The following UTRN variants were observed in gnomAD, a reference collection of about 807,000 sequenced individuals.
UTRN encodes the protein dystrophin-related protein 1.
In UTRN, 283 loss-of-function variants were observed where a neutral mutation model predicts 463.9. That is an observed-to-expected ratio of 0.61 (90% confidence interval 0.55 to 0.67). The LOEUF (loss-of-function observed/expected upper bound fraction) is 0.67. UTRN is among the 30% of genes least tolerant of loss of function. The pLI, the probability that UTRN is intolerant of heterozygous loss-of-function variation, is 0.00. For missense variants in UTRN, 3,922 were observed against 4,084.3 expected (o/e 0.96, Z 1.08); for synonymous variants, 1,442 against 1,431.5 (o/e 1.01, Z -0.17).
Position 144,542,797 on chromosome 6 carries a change from T to C in UTRN, c.6522T>C (p.Ile2174=), listed in dbSNP as rs752711032. ...LRTVNMTWNK[I]CREVPTTLKE... is the part of the protein sequence containing the mutation. ...TTCTGTTTGTCCTGATGCGGTAGAT[T>C]TGCAGAGAGGTGCCTACCACCCTGA... The change falls in exon 46 of 75, where the codon ATT becomes ATC. Residue 2174 remains isoleucine, a splice_region_variant and synonymous_variant. Transcript: ENST00000367545. The C allele has an allele frequency of 4.4e-5, 71 of 1,613,408 alleles. No individual in the cohort carries two copies. In the South Asian group the frequency reaches 7.8e-4, roughly 18 times the overall value.
intron 51 of UTRN, among the ~76,000 whole-genome samples, chr6:144,671,985 T>A (rs1195394102): frequency 6.6e-6 from 1 of 152,142 alleles, no homozygotes; most frequent in African/African-American, 2.4e-5. Context: ...TGTTAAACCA[T>A]CCCTGCATCC....
intron 51 of UTRN, among the ~76,000 whole-genome samples, chr6:144,649,667 T>TC (rs1284923581): frequency 1.3e-5 from 2 of 152,116 alleles, no homozygotes; most frequent in African/African-American, 4.8e-5. Context: ...AAAGGGAACT[T>TC]CTTTTTTTTT....
At chr6:144,564,967 C>G (rs1424967000) in intron 50 of UTRN, among the ~76,000 whole-genome samples, 1 of 152,112 alleles carries the variant, frequency 6.6e-6, no homozygotes, top group Non-Finnish European at 1.5e-5. Flanking sequence ...TTTAATCTCT[C>G]TGGATCTTAT....
chr6:144,456,653 AAATAATAATAATAATAAT>A (rs57694055), intron 19 of UTRN, among the ~76,000 whole-genome samples: 11 of 140,592 alleles, frequency 7.8e-5, no homozygotes, highest in South Asian at 4.6e-4. Context: ...CTCTGTCTCA[AAATAATAATAATAATAAT>A]AATAATAATA....
chr6:144,655,177 C>T (rs1779201646), intron 51 of UTRN, among the ~76,000 whole-genome samples: 1 of 152,204 alleles, frequency 6.6e-6, no homozygotes. Flanking sequence ...TCCCTTTCAT[C>T]AGGGGACTCA....
At chr6:144,511,337 G>T (rs1795148092) in intron 35 of UTRN, among the ~76,000 whole-genome samples, 1 of 152,118 alleles carries the variant, frequency 6.6e-6, no homozygotes, top group African/African-American at 2.4e-5. Context: ...TTCATGATCT[G>T]CATGGAATGA....
chr6:144,715,699 C>CCCG lies in UTRN; in HGVS notation c.7810-14656_7810-14655insGCC, dbSNP rs1554350705. Among the ~76,000 whole-genome samples, 12 of 141,542 alleles carry CCCG rather than the reference C, an allele frequency of 8.5e-5. 1 individual carries two copies. In the East Asian group the frequency reaches 1.9e-3, roughly 23 times the overall value. 92.9% of individuals were successfully genotyped at this position (141,542 alleles called of 152,430 possible). ...TCTCTCATTCTCTCTCTCTTCCCCC[C>CCCG]CCACCCTTTTCTACTTCTTTCTTTT... On this transcript the variant is annotated intron_variant, in intron 53 of 74. Coordinates refer to ENST00000367545, the MANE Select transcript of UTRN (RefSeq NM_007124.3).
intron 52 of UTRN, among the ~76,000 whole-genome samples, chr6:144,684,262 C>G (rs1782514740): frequency 6.6e-6 from 1 of 152,060 alleles, no homozygotes; most frequent in South Asian, 2.1e-4. Context: ...GTTGGCCAGG[C>G]TGGTCTCAAA....
At chr6:144,399,698 T>C (rs975592060) in intron 2 of UTRN, among the ~76,000 whole-genome samples, 39 of 152,202 alleles carry the variant, frequency 2.6e-4, no homozygotes, top group Admixed American at 2.4e-3. Flanking sequence ...TGTGCTTTCA[T>C]AGGGGAAACA....
intron 2 of UTRN, among the ~76,000 whole-genome samples, chr6:144,388,538 C>T (rs1179266902): frequency 1.4e-5 from 2 of 143,902 alleles, no homozygotes; most frequent in South Asian, 2.1e-4. Flanking sequence ...ATCTCACTCA[C>T]CCAAACTGGA....
At chr6:144,376,076 TC>T (rs1339850147) in intron 2 of UTRN, among the ~76,000 whole-genome samples, 1 of 152,112 alleles carries the variant, frequency 6.6e-6, no homozygotes, top group African/African-American at 2.4e-5. Context: ...AGTCTTGAAC[TC>T]TGGGACTCAG....
At chr6:144,669,956 G>GGTGTGTGT (rs35769043) in intron 51 of UTRN, among the ~76,000 whole-genome samples, 6,004 of 147,956 alleles carry the variant, frequency 0.041, 128 homozygotes, top group Non-Finnish European at 0.05. Context: ...AGTATTCCAT[G>GGTGTGTGT]GTGTGTGTGT....
In UTRN at chr6:144,846,843, T is replaced by G; in HGVS notation, c.10293+16T>G. 3 of 1,614,014 alleles carry G rather than the reference T, an allele frequency of 1.9e-6. No individual in the cohort carries two copies. Among genetic ancestry groups the G allele is most frequent in the Non-Finnish European group, 2.5e-6 (3 of 1,179,910 alleles). ...CAGGCCACAGGTAAGAGTTAATGGC[T>G]TGGTTGGCTCTATGTTACTGATCCC... On this transcript the variant is annotated intron_variant, in intron 74 of 74. Coordinates refer to ENST00000367545, the MANE Select transcript of UTRN (RefSeq NM_007124.3).
chr6:144,582,882 G>A (rs932870041), intron 51 of UTRN, among the ~76,000 whole-genome samples: 5 of 152,148 alleles, frequency 3.3e-5, no homozygotes, highest in South Asian at 4.1e-4. Flanking sequence ...AGCACTTAAT[G>A]TATGGGCTGT....
intron 50 of UTRN, among the ~76,000 whole-genome samples, chr6:144,566,870 C>T (rs1008786011): frequency 9.9e-5 from 15 of 151,912 alleles, no homozygotes; most frequent in Admixed American, 2.6e-4. Flanking sequence ...GCAGGGAACC[C>T]CATGCAGTAG....
chr6:144,496,454 C>T lies in UTRN; in HGVS notation c.4594-2803C>T, dbSNP rs182742112. 2.4e-3 allele frequency among the ~76,000 whole-genome samples: 368 copies of T among 152,172 alleles called. 1 individual carries two copies. The highest frequency in any genetic ancestry group is 0.016 in the East Asian group (84 of 5,190). Reference sequence around the variant, plus strand: ...TTTTGGAATTATACAGCTGGTTATTCGTTAAATATTATTATATTTATTCAC... The same window carrying T: ...TTTTGGAATTATACAGCTGGTTATTTGTTAAATATTATTATATTTATTCAC... On this transcript the variant is annotated intron_variant, in intron 33 of 74. Coordinates refer to ENST00000367545, the MANE Select transcript of UTRN (RefSeq NM_007124.3).
intron 35 of UTRN, among the ~76,000 whole-genome samples, chr6:144,511,349 G>C: frequency 6.6e-6 from 1 of 152,066 alleles, no homozygotes; most frequent in East Asian, 1.9e-4. Flanking sequence ...ATGGAATGAG[G>C]TACTTTCATA....
intron 66 of UTRN, among the ~76,000 whole-genome samples, chr6:144,823,638 C>A (rs1408903342): frequency 6.6e-6 from 1 of 151,964 alleles, no homozygotes; most frequent in Non-Finnish European, 1.5e-5. Flanking sequence ...TAAACAAATC[C>A]ATGCTAAGGT....
intron 2 of UTRN, among the ~76,000 whole-genome samples, chr6:144,401,053 C>T (rs1236270666): frequency 2.0e-5 from 3 of 152,086 alleles, no homozygotes; most frequent in East Asian, 1.9e-4. Context: ...GTTAAATGCT[C>T]CGGAAACAGG....
Sources: allele counts gnomAD v4.1 joint callset (sites outside exome capture counted in the v4.1 genomes callset), GRCh38; gene constraint gnomAD v4.1.1; transcripts MANE v1.5; gene names NCBI Gene and HGNC (gene_info 2026-07-23, HGNC 2026-07-21).